SEC16A: variants seen among roughly 807,000 people sequenced by gnomAD.
SEC16A encodes the protein protein transport protein Sec16A.
Under a neutral mutation model 221.9 loss-of-function variants are expected in SEC16A, and 110 were observed. The ratio of observed to expected loss-of-function variants is 0.50; its 90% CI spans 0.42 to 0.58. The LOEUF is 0.58. Ranked by LOEUF, SEC16A falls within the 20% of genes least tolerant of loss-of-function variation. The pLI is 0.00. For synonymous variants in SEC16A, 1,393 were observed against 1,257.7 expected (o/e 1.11, Z -2.28); for missense variants, 3,165 against 3,097.8 (o/e 1.02, Z -0.52).
rs912453328 is a variant in SEC16A at position 136,466,324 on chromosome 9, G to A, written c.4068C>T (p.Ser1356=). The change falls in exon 7 of 32, where the codon AGC becomes AGT. Residue 1356 remains serine (S), a synonymous_variant. Coordinates refer to ENST00000684901, the MANE Select transcript of SEC16A (RefSeq NM_014866.2). The surrounding 1 kb of genome is among the most constrained non-coding windows in gnomAD (Gnocchi z 5.5). ...RSVHSEHSAR[S]LHSAHSLASR... ...TGGCCAGGCTGTGTGCGCTGTGCAG[G>A]CTCCGTGCCGAGTGCTCGCTGTGGA... The A allele has an allele frequency of 1.3e-6, 2 of 1,570,214 alleles. No individual in the cohort carries two copies. The highest frequency in any genetic ancestry group is 1.4e-5 in the African/African-American group (1 of 73,734).
At chr9:136,457,374 G>C (rs1043739762) in intron 18 of SEC16A, 70 bp downstream of exon 18, 6 of 1,506,396 alleles carry the variant, frequency 4.0e-6, no homozygotes, top group Middle Eastern at 2.0e-4. Context: ...CCCCATGCCC[G>C]GGGGCTCTGG....
intron 1 of SEC16A, among the ~76,000 whole-genome samples, chr9:136,481,590 C>A (rs2133158867): frequency 6.6e-6 from 1 of 152,316 alleles, no homozygotes; most frequent in South Asian, 2.1e-4. Context: ...CTTTTTAGTA[C>A]AGTTCTGGCT....
chr9:136,471,329 C>T (rs7861813), intron 4 of SEC16A, among the ~76,000 whole-genome samples: 3,528 of 151,998 alleles, frequency 0.023, 176 homozygotes, highest in African/African-American at 0.079. Flanking sequence ...ACAAAATTAG[C>T]TGGGTTTGAT....
chr9:136,472,313 A>G (rs1365900386), intron 3 of SEC16A, among the ~76,000 whole-genome samples: 1 of 152,152 alleles, frequency 6.6e-6, no homozygotes, highest in Non-Finnish European at 1.5e-5. Flanking sequence ...TCCCTCATAC[A>G]CAACCACACA....
At chr9:136,451,642 T>TCC (rs767241433) in intron 22 of SEC16A, among the ~76,000 whole-genome samples, 16 of 152,074 alleles carry the variant, frequency 1.1e-4, no homozygotes, top group Non-Finnish European at 2.1e-4. Context: ...AATAAGCAGC[T>TCC]CCGTCTGGGA....
Position 136,483,040 on chromosome 9 carries a change from C to G in SEC16A, c.-294G>C, listed in dbSNP as rs958240637. ...GCCGCCGCAGCCATCTTGGCACATC[C>G]GGCTCGGGTCTCCGCGGCCGCCGCG... On this transcript the variant is annotated 5_prime_UTR_variant, in exon 1 of 32. Transcript: ENST00000684901. 1 of 984,782 alleles carries G rather than the reference C, an allele frequency of 1.0e-6. No homozygotes were observed. The highest frequency in any genetic ancestry group is 1.7e-5 in the African/African-American group (1 of 57,180). 61.0% of individuals were successfully genotyped at this position (984,782 alleles called of 1,614,324 possible). A position where few individuals can be genotyped will look rare whatever the true frequency, so the allele number is the denominator to read the frequency against.
At chr9:136,461,771 G>C (rs1372804646) in intron 12 of SEC16A, among the ~76,000 whole-genome samples, 1 of 152,128 alleles carries the variant, frequency 6.6e-6, no homozygotes, top group Non-Finnish European at 1.5e-5. Flanking sequence ...AAAGCTAACA[G>C]GTTACATGAC....
chr9:136,444,001 C>T lies in SEC16A; in HGVS notation c.6928-101G>A, dbSNP rs1456376713. On this transcript the variant is annotated intron_variant, in intron 30 of 31. Transcript: ENST00000684901. Reference sequence around the variant, plus strand: ...CCGCTTCTGGGTGGGATTTACAGTACTTTTACATAAGCTACAGAAGCAGAT... The same window carrying T: ...CCGCTTCTGGGTGGGATTTACAGTATTTTTACATAAGCTACAGAAGCAGAT... The T allele has an allele frequency of 4.2e-6, 3 of 720,172 alleles. No individual in the cohort carries two copies. The Admixed American group carries it at 9.7e-5, about 23-fold the overall frequency. 44.6% of individuals were successfully genotyped at this position (720,172 alleles called of 1,614,324 possible). A position where few individuals can be genotyped will look rare whatever the true frequency, so the allele number is the denominator to read the frequency against.
At position 136,448,724 on chromosome 9, in the gene SEC16A, C is replaced by G. The variant is rs1837380187; in HGVS notation, c.6313-563G>C. 5.8e-6 allele frequency: 4 copies of G among 693,376 alleles called. No individual in the cohort carries two copies. In the East Asian group the frequency reaches 8.3e-5, roughly 14 times the overall value. The allele number at this position is 693,376 out of a possible 1,614,324, so 43.0% of individuals were successfully genotyped here. A position where few individuals can be genotyped will look rare whatever the true frequency, so the allele number is the denominator to read the frequency against. ...AGAATGGAGGTCGGGGGCAGATCCA[C>G]AGAGACACCAGGAGGATGGAGGTGG... On this transcript the variant is annotated intron_variant, in intron 23 of 31. Coordinates refer to ENST00000684901, the MANE Select transcript of SEC16A (RefSeq NM_014866.2).
chr9:136,447,872 A>G lies in SEC16A; in HGVS notation c.6428T>C (p.Leu2143Ser). 6.2e-7 allele frequency: 1 copy of G among 1,610,234 alleles called. No homozygotes were observed. Among genetic ancestry groups the G allele is most frequent in the South Asian group, 1.1e-5 (1 of 90,356 alleles). ...ATTTACCTCCTCTTCTGGCTCATTT[A>G]AATTCACCCACTGGTTTTTCTTTTC... ...WDEKKNQWVN[L>S]NEPEEEKKAP... Residue 2143 changes from leucine to serine, a missense_variant, in exon 25 of 32, where the codon TTA (leucine) becomes TCA (serine). By Grantham distance (145) the Leu-to-Ser change is moderately radical. Around this residue, in one of 3 missense-constraint regions of SEC16A, gnomAD observed 1,088 missense variants for 1,089.6 expected, o/e 1.00. Coordinates refer to ENST00000684901, the MANE Select transcript of SEC16A (RefSeq NM_014866.2). The surrounding 1 kb of genome is among the most constrained non-coding windows in gnomAD (Gnocchi z 5.5).
chr9:136,467,615 A>G (rs910198625), intron 5 of SEC16A, among the ~76,000 whole-genome samples: 5 of 152,224 alleles, frequency 3.3e-5, no homozygotes, highest in African/African-American at 1.2e-4. Context: ...AATAATCTCA[A>G]TATTAAAAGG....
upstream of SEC16A, chr9:136,483,462 T>A: frequency 2.1e-5 from 18 of 849,006 alleles, no homozygotes; most frequent in Non-Finnish European, 2.5e-5. Flanking sequence ...CGGCCGTCCT[T>A]CCCCGCCCGT....
rs1484067722 is a variant in SEC16A at position 136,454,208 on chromosome 9, G to C, written c.5977C>G (p.Leu1993Val). ...GGCCCGGAGGGCTCCAGGAAGCCAA[G>C]TGCAGGCCCTGGGGTCACACAGCCA... Reference protein sequence around the residue: ...GPGCVTPGPALGFLEPSGPGL... With the variant: ...GPGCVTPGPAVGFLEPSGPGL... Residue 1993 changes from leucine (L) to valine (V), a missense_variant, in exon 21 of 32, where the codon CTT becomes GTT. This residue lies in a region of SEC16A where 1,088 missense variants were observed against 1,089.6 expected (regional missense o/e 1.00). Transcript: ENST00000684901. The C allele has an allele frequency of 1.9e-6, 3 of 1,565,598 alleles. No homozygotes were observed. In the South Asian group the frequency reaches 3.5e-5, roughly 18 times the overall value.
At position 136,476,533 on chromosome 9, in the gene SEC16A, C is replaced by T. The variant is rs1256037333; in HGVS notation, c.1083G>A (p.Pro361=). ...CTGAAGCTCCTGAGTCTGCTTCTAG[C>T]GGGGCACAGCCAGACCCGGCCCCAG... ...LGAGAGSGCA[P]LEADSGASGA... The change falls in exon 3 of 32, where the codon CCG becomes CCA. Residue 361 remains proline (P), a synonymous_variant. Transcript: ENST00000684901. 19 of 1,612,188 alleles carry T rather than the reference C, an allele frequency of 1.2e-5. No homozygotes were observed. Among genetic ancestry groups the T allele is most frequent in the Non-Finnish European group, 1.4e-5 (16 of 1,179,078 alleles).
chr9:136,453,066 T>C, intron 22 of SEC16A, among the ~76,000 whole-genome samples: 1 of 117,922 alleles, frequency 8.5e-6, no homozygotes, highest in Non-Finnish European at 1.8e-5. Flanking sequence ...CAAGAATCTG[T>C]CTCAAAAAAA....
At chr9:136,460,153 A>G in intron 13 of SEC16A, 30 bp from the exon 14 acceptor site, 1 of 1,557,106 alleles carries the variant, frequency 6.4e-7, no homozygotes, top group Non-Finnish European at 8.7e-7. Context: ...GAAAGACCCC[A>G]TGCTGGCTCA....
In SEC16A at chr9:136,474,462, G is replaced by C. The variant is rs1234590500; in HGVS notation, c.3154C>G (p.Pro1052Ala). The C allele has an allele frequency of 3.7e-6, 6 of 1,612,958 alleles. No individual in the cohort carries two copies. Among genetic ancestry groups the C allele is most frequent in the South Asian group, 2.2e-5 (2 of 91,088 alleles). The change falls in exon 3 of 32, where the codon CCT becomes GCT. Residue 1052 changes from proline to alanine, a missense_variant. Pro to Ala is a conservative substitution (Grantham distance 27, BLOSUM62 -1). This residue lies in a region of SEC16A where 2,030 missense variants were observed against 1,923.1 expected (regional missense o/e 1.06). Transcript: ENST00000684901. ...QQVTKDAQGQ[P>A]GLERAQQELV... ...TCCTGCTGGGCTCTTTCGAGGCCAGGCTGGCCCTGGGCATCTTTCGTGACC... is the reference window on the plus strand; with the variant it reads ...TCCTGCTGGGCTCTTTCGAGGCCAGCCTGGCCCTGGGCATCTTTCGTGACC...
At chr9:136,461,345 A>C in intron 12 of SEC16A, 71 bp from the exon 13 acceptor site, 1 of 1,098,200 alleles carries the variant, frequency 9.1e-7, no homozygotes, top group Non-Finnish European at 1.4e-6. Flanking sequence ...AAGACAGGCC[A>C]TGTGTCCTCA....
intron 18 of SEC16A, among the ~76,000 whole-genome samples, chr9:136,456,675 C>T (rs1838719396): frequency 6.6e-6 from 1 of 152,218 alleles, no homozygotes; most frequent in African/African-American, 2.4e-5. Context: ...CCCATGAGCA[C>T]GTTCTCACAA....
Sources: allele counts gnomAD v4.1 joint callset (sites outside exome capture counted in the v4.1 genomes callset), GRCh38; gene constraint gnomAD v4.1.1; regional missense constraint gnomAD v4.1.1; non-coding constraint Gnocchi (gnomAD v3.1); transcripts MANE v1.5; gene names NCBI Gene and HGNC (gene_info 2026-07-23, HGNC 2026-07-21).